Variants in NYAP2 observed in about 807,000 individuals in gnomAD.
NYAP2 encodes neuronal tyrosine-phosphorylated phosphoinositide-3-kinase adaptor 2, also known as neuronal tyrosine-phosphorylated phosphoinositide-3-kinase adapter 2.
In NYAP2, 23 loss-of-function variants were observed where a neutral mutation model predicts 50.4. The ratio of observed to expected loss-of-function variants is 0.46; its 90% CI spans 0.33 to 0.65. The LOEUF is 0.65. Among genes scored for constraint, NYAP2 ranks in the 30% least tolerant of loss-of-function variants. The pLI is 0.02. For missense variants in NYAP2, 885 were observed against 861.0 expected (o/e 1.03, Z -0.35); for synonymous variants, 394 against 365.2 (o/e 1.08, Z -0.90).
intron 3 of NYAP2, among the ~76,000 whole-genome samples, chr2:225,460,781 T>G (rs1224800601): frequency 1.3e-5 from 2 of 152,046 alleles, no homozygotes; most frequent in African/African-American, 4.8e-5. Context: ...TGACCAAAAT[T>G]TACTCTGATG....
chr2:225,634,169 T>C (rs1378735726), intron 6 of NYAP2, among the ~76,000 whole-genome samples: 2 of 152,150 alleles, frequency 1.3e-5, no homozygotes, highest in African/African-American at 4.8e-5. Flanking sequence ...ATTCCATGAA[T>C]AGTGAGGGCC....
intron 4 of NYAP2, among the ~76,000 whole-genome samples, chr2:225,540,280 A>G (rs1691435300): frequency 6.6e-6 from 1 of 152,118 alleles, no homozygotes; most frequent in South Asian, 2.1e-4. Flanking sequence ...ACTAGAACCA[A>G]TTTACTGCAT....
At chr2:225,552,022 A>G (rs146107242) in intron 4 of NYAP2, among the ~76,000 whole-genome samples, 1,581 of 152,270 alleles carry the variant, frequency 0.01, 32 homozygotes, top group African/African-American at 0.036. Context: ...TATGTTGGCC[A>G]GGTTGGTCTC....
At chr2:225,589,516 A>AATATATATATATATATAT (rs71062993) in intron 5 of NYAP2, among the ~76,000 whole-genome samples, 2,036 of 70,614 alleles carry the variant, frequency 0.029, 76 homozygotes, top group East Asian at 0.043. Context: ...CTAAAAGTAA[A>AATATATATATATATATAT]ATATATATAT....
At chr2:225,583,153 A>G (rs1174862417) in intron 5 of NYAP2, 118 bp downstream of exon 5, 8 of 1,213,412 alleles carry the variant, frequency 6.6e-6, no homozygotes, top group Non-Finnish European at 8.9e-6. Flanking sequence ...TGGAGTTGAA[A>G]TCTTAGCATG....
chr2:225,701,934 G>A, the NYAP2 span: 3 of 151,592 alleles, frequency 2.0e-5, no homozygotes, highest in Admixed American at 6.6e-5. Flanking sequence ...TAGTGACTAC[G>A]TCAATAAAAC....
the NYAP2 span, among the ~76,000 whole-genome samples, chr2:225,696,220 T>C: frequency 5.3e-5 from 8 of 152,000 alleles, no homozygotes; most frequent in Admixed American, 5.3e-4. Context: ...GCTGTGACCA[T>C]GACCTAGTTT....
intron 3 of NYAP2, among the ~76,000 whole-genome samples, chr2:225,449,601 CTTTTTTTTTTT>C (rs201552006): frequency 3.1e-5 from 3 of 96,310 alleles, no homozygotes; most frequent in Non-Finnish European, 5.8e-5. Context: ...CTCTCTTTCT[CTTTTTTTTTTT>C]TTTTTTTTTT....
chr2:225,678,676 A>T, the NYAP2 span, among the ~76,000 whole-genome samples: 1 of 152,158 alleles, frequency 6.6e-6, no homozygotes, highest in African/African-American at 2.4e-5. Flanking sequence ...TGGACGTTAC[A>T]TATACTTGAA....
chr2:225,561,037 C>T (rs947084161), intron 4 of NYAP2, among the ~76,000 whole-genome samples: 42 of 150,480 alleles, frequency 2.8e-4, no homozygotes, highest in African/African-American at 1.0e-3. Context: ...GAGCATGCAG[C>T]CATGCCTAAA....
In NYAP2 at chr2:225,547,682, G is replaced by A. The variant is rs530111911; in HGVS notation, c.523+34010G>A. Among the ~76,000 whole-genome samples the A allele has an allele frequency of 1.2e-4, 18 of 152,290 alleles. No individual in the cohort carries two copies. In the Middle Eastern group the frequency reaches 0.01, roughly 86 times the overall value. On this transcript the variant is annotated intron_variant, in intron 4 of 6. Transcript: ENST00000636099. ...CTTCATGCCATGTGGCCACTGCTGG[G>A]GGATGGGGAAGAAGTGGCATCAGCA...
intron 4 of NYAP2, among the ~76,000 whole-genome samples, chr2:225,543,360 A>G (rs2106205186): frequency 6.6e-6 from 1 of 151,286 alleles, no homozygotes; most frequent in East Asian, 1.9e-4. Flanking sequence ...ATTTATTTGA[A>G]GTTTTTCTTT....
At chr2:225,514,790 C>A (rs977575233) in intron 4 of NYAP2, among the ~76,000 whole-genome samples, 1 of 152,128 alleles carries the variant, frequency 6.6e-6, no homozygotes, top group African/African-American at 2.4e-5. Flanking sequence ...GGCGTTCCAC[C>A]AGGTCCCATA....
At chr2:225,540,117 C>G (rs1691432099) in intron 4 of NYAP2, among the ~76,000 whole-genome samples, 1 of 152,162 alleles carries the variant, frequency 6.6e-6, no homozygotes, top group Admixed American at 6.5e-5. Flanking sequence ...GCATTTTTGT[C>G]AAAGCCATTC....
intron 3 of NYAP2, among the ~76,000 whole-genome samples, chr2:225,477,814 C>G (rs1048444395): frequency 6.6e-6 from 1 of 151,920 alleles, no homozygotes; most frequent in Non-Finnish European, 1.5e-5. Context: ...GAAACGGGCC[C>G]CTCCATGTAC....
At chr2:225,579,105 G>A (rs1188495374) in intron 4 of NYAP2, among the ~76,000 whole-genome samples, 1 of 151,928 alleles carries the variant, frequency 6.6e-6, no homozygotes, top group African/African-American at 2.4e-5. Context: ...GAGAGAGAGA[G>A]AGAGAGAGAG....
At chr2:225,451,264 T>C (rs1021950380) in intron 3 of NYAP2, among the ~76,000 whole-genome samples, 10 of 152,188 alleles carry the variant, frequency 6.6e-5, no homozygotes, top group Admixed American at 1.3e-4. Flanking sequence ...TTTGAAACTT[T>C]CTTCACCATC....
the NYAP2 span, among the ~76,000 whole-genome samples, chr2:225,686,014 G>A: frequency 0.74 from 113,180 of 151,958 alleles, 43,416 homozygotes; most frequent in African/African-American, 0.94. Context: ...AGTTTTACCC[G>A]TAATAATTTA....
Position 225,582,503 on chromosome 2 carries a change from G to A in NYAP2, c.1086G>A (p.Lys362=), listed in dbSNP as rs745818127. The change falls in exon 5 of 7, where the codon AAG becomes AAA. Residue 362 remains lysine, a synonymous_variant. Coordinates refer to ENST00000636099, the Ensembl canonical transcript of NYAP2. The surrounding 1 kb of genome is among the most constrained non-coding windows in gnomAD (Gnocchi z 7.0). ...CGCTTACCCCTCTGGAGGTCACGAA[G>A]CTTCCCGTGCTGGAAAACGTGTCTT... 11 of 1,537,846 alleles carry A rather than the reference G, an allele frequency of 7.2e-6. No homozygotes were observed. The African/African-American group carries it at 1.3e-4, about 18-fold the overall frequency.
Sources: allele counts gnomAD v4.1 joint callset (sites outside exome capture counted in the v4.1 genomes callset), GRCh38; gene constraint gnomAD v4.1.1; non-coding constraint Gnocchi (gnomAD v3.1); transcripts MANE v1.5; gene names NCBI Gene and HGNC (gene_info 2026-07-23, HGNC 2026-07-21).